The following CIMAP1B variants were observed in gnomAD, a reference collection of about 807,000 sequenced individuals.
CIMAP1B encodes ciliary microtubule associated protein 1B.
chr22:50,531,573 G>C, the CIMAP1B span: 1 of 1,418,756 alleles, frequency 7.0e-7, no homozygotes, highest in East Asian at 2.7e-5. Context: ...TCCTGACCAG[G>C]TCCCGGAGTG....
chr22:50,531,150 G>A, the CIMAP1B span: 1 of 1,593,568 alleles, frequency 6.3e-7, no homozygotes, highest in Non-Finnish European at 8.6e-7. Context: ...GGTCTCGAGT[G>A]GGAAGGCCCA....
At chr22:50,530,883 C>G in the CIMAP1B span, 1 of 1,607,096 alleles carries the variant, frequency 6.2e-7, no homozygotes. Context: ...CTGGCTGCCG[C>G]CTCCACTGCC....
the CIMAP1B span, chr22:50,531,576 C>G: frequency 7.1e-7 from 1 of 1,416,614 alleles, no homozygotes; most frequent in South Asian, 1.6e-5. Flanking sequence ...TGACCAGGTC[C>G]CGGAGTGAGG....
At chr22:50,531,909 T>C in the CIMAP1B span, 5 of 1,312,552 alleles carry the variant, frequency 3.8e-6, no homozygotes, top group Non-Finnish European at 4.9e-6. Context: ...CCCTGGTCTC[T>C]TCCCCTTCCC....
the CIMAP1B span, chr22:50,531,920 T>G: frequency 5.7e-5 from 74 of 1,297,216 alleles, no homozygotes; most frequent in Non-Finnish European, 7.2e-5. Flanking sequence ...TCCCCTTCCC[T>G]CCCCCAGGCG....
chr22:50,530,478 G>A, the CIMAP1B span: 1 of 1,594,548 alleles, frequency 6.3e-7, no homozygotes, highest in Middle Eastern at 1.7e-4. Context: ...CCGCCTGGCG[G>A]GTCAGTTGTC....
chr22:50,531,227 G>T, the CIMAP1B span: 1 of 1,612,706 alleles, frequency 6.2e-7, no homozygotes, highest in East Asian at 2.2e-5. Flanking sequence ...CCCCAGTTTC[G>T]GGGAGCAATG....
At chr22:50,531,901 C>A in the CIMAP1B span, 1 of 1,317,164 alleles carries the variant, frequency 7.6e-7, no homozygotes, top group Non-Finnish European at 9.8e-7. Flanking sequence ...GCAGGCCTCC[C>A]TGGTCTCTTC....
the CIMAP1B span, chr22:50,530,502 AGC>A: frequency 6.2e-7 from 1 of 1,600,472 alleles, no homozygotes. Context: ...GTCGGTCACC[AGC>A]GGGGCCAGGT....
At chr22:50,532,066 G>T in the CIMAP1B span, 1 of 1,364,862 alleles carries the variant, frequency 7.3e-7, no homozygotes, top group Middle Eastern at 2.5e-4. Context: ...CCACCCAGGC[G>T]TCCGAGCCCA....
At chr22:50,531,600 G>A in the CIMAP1B span, 3 of 1,398,042 alleles carry the variant, frequency 2.1e-6, no homozygotes, top group Middle Eastern at 1.9e-4. Context: ...GGCGCTGAGC[G>A]GCGTGGGCGG....
chr22:50,531,121 C>T, the CIMAP1B span: 33 of 1,587,780 alleles, frequency 2.1e-5, no homozygotes, highest in Non-Finnish European at 2.8e-5. Flanking sequence ...GTGGTCCCAG[C>T]TCCCGGAGGG....
chr22:50,530,928 C>T, the CIMAP1B span: 10 of 1,610,460 alleles, frequency 6.2e-6, no homozygotes, highest in Non-Finnish European at 6.8e-6. Context: ...GCCCCGGCCC[C>T]TCCCCCACCT....
chr22:50,531,956 C>T, the CIMAP1B span: 2 of 1,325,602 alleles, frequency 1.5e-6, no homozygotes, highest in African/African-American at 1.5e-5. Context: ...ATCCCGGGGC[C>T]TGCCCCTTCT....
chr22:50,532,031 C>T, the CIMAP1B span: 3 of 1,344,728 alleles, frequency 2.2e-6, no homozygotes, highest in Non-Finnish European at 2.9e-6. Flanking sequence ...GATGGGGCCG[C>T]GGGGCCGGTG....
At chr22:50,530,773 C>A in the CIMAP1B span, 1 of 1,609,034 alleles carries the variant, frequency 6.2e-7, no homozygotes, top group South Asian at 1.1e-5. Context: ...GAGCGAAGTC[C>A]GCGCCAGAAT....
the CIMAP1B span, chr22:50,531,713 A>G: frequency 1.5e-6 from 2 of 1,363,172 alleles, no homozygotes; most frequent in East Asian, 3.1e-5. Flanking sequence ...CTGCGTGGGG[A>G]AGCGCGCGCC....
chr22:50,530,717 C>T, the CIMAP1B span: 10 of 1,612,062 alleles, frequency 6.2e-6, no homozygotes, highest in South Asian at 9.9e-5. Context: ...GCCACCTGAT[C>T]CACGTTGTAG....
At chr22:50,532,372 G>A in the CIMAP1B span, 1 of 314,226 alleles carries the variant, frequency 3.2e-6, no homozygotes, top group South Asian at 1.4e-4. Flanking sequence ...TTGGTGAAGG[G>A]AATCACCTGG....
Sources: gnomAD v4.1 joint callset for allele counts on GRCh38, gnomAD v4.1.1 for gene constraint, MANE v1.5 for transcripts, NCBI Gene and HGNC (gene_info 2026-07-23, HGNC 2026-07-21) for gene names.